Variants in ATXN7L1 observed in about 807,000 individuals in gnomAD.
ATXN7L1 encodes ataxin-7-like protein 1.
Under a neutral mutation model 70.8 loss-of-function variants are expected in ATXN7L1, and 15 were observed. The observed-to-expected ratio is 0.21, with a 90% confidence interval of 0.14 to 0.33. The LOEUF is 0.33. ATXN7L1 is among the 10% of genes least tolerant of loss of function. The pLI, the probability that ATXN7L1 is intolerant of heterozygous loss-of-function variation, is 1.00. For synonymous variants in ATXN7L1, 440 were observed against 445.1 expected (o/e 0.99, Z 0.14); for missense variants, 975 against 1,097.1 (o/e 0.89, Z 1.57).
At chr7:105,664,521 CATATGTATAATATAT>C (rs1314857593) in intron 4 of ATXN7L1, among the ~76,000 whole-genome samples, 3 of 138,834 alleles carry the variant, frequency 2.2e-5, no homozygotes, top group Admixed American at 7.2e-5. Context: ...TATATATATA[CATATGTATAATATAT>C]ATATGTATAA....
chr7:105,754,243 G>A (rs1403171937), intron 3 of ATXN7L1, among the ~76,000 whole-genome samples: 2 of 152,134 alleles, frequency 1.3e-5, no homozygotes, highest in East Asian at 1.9e-4. Flanking sequence ...ACTCAGGAGT[G>A]GAGGAGAGGG....
At chr7:105,682,785 G>T (rs1805701325) in intron 3 of ATXN7L1, among the ~76,000 whole-genome samples, 1 of 152,146 alleles carries the variant, frequency 6.6e-6, no homozygotes, top group South Asian at 2.1e-4. Context: ...GCTGTATGTG[G>T]TGGGGGAGGG....
chr7:105,759,120 TA>T (rs1464617414), intron 3 of ATXN7L1, among the ~76,000 whole-genome samples: 1 of 150,226 alleles, frequency 6.7e-6, no homozygotes, highest in Non-Finnish European at 1.5e-5. Flanking sequence ...CTAAATTATA[TA>T]AAAATATTAT....
At chr7:105,651,634 T>A (rs1799856318) in intron 4 of ATXN7L1, among the ~76,000 whole-genome samples, 1 of 152,178 alleles carries the variant, frequency 6.6e-6, no homozygotes, top group Non-Finnish European at 1.5e-5. Flanking sequence ...TGGGGCCAGA[T>A]TCAATGGCCC....
At chr7:105,808,482 C>T (rs1051264104) in intron 2 of ATXN7L1, among the ~76,000 whole-genome samples, 2 of 152,154 alleles carry the variant, frequency 1.3e-5, no homozygotes, top group Admixed American at 1.3e-4. Flanking sequence ...CAAAATTGCT[C>T]CCTCCTCCAG....
At chr7:105,821,494 A>G (rs1299833823) in intron 2 of ATXN7L1, among the ~76,000 whole-genome samples, 1 of 152,202 alleles carries the variant, frequency 6.6e-6, no homozygotes, top group African/African-American at 2.4e-5. Context: ...GGAGATCGCT[A>G]GTCTCCTTCC....
intron 3 of ATXN7L1, among the ~76,000 whole-genome samples, chr7:105,670,616 C>T (rs1462457951): frequency 6.6e-6 from 1 of 151,632 alleles, no homozygotes; most frequent in African/African-American, 2.4e-5. Context: ...TAACATGGCG[C>T]AGATTATTTA....
chr7:105,664,553 T>C (rs1426283132), intron 4 of ATXN7L1, among the ~76,000 whole-genome samples: 2 of 126,906 alleles, frequency 1.6e-5, no homozygotes, highest in Non-Finnish European at 3.4e-5. Context: ...ATAATATACA[T>C]ATATATATTA....
At chr7:105,787,366 G>A (rs920008821) in intron 3 of ATXN7L1, among the ~76,000 whole-genome samples, 3 of 152,118 alleles carry the variant, frequency 2.0e-5, no homozygotes, top group Admixed American at 6.6e-5. Context: ...CTCCTATAGC[G>A]CTTTCTAGGG....
intron 2 of ATXN7L1, among the ~76,000 whole-genome samples, chr7:105,844,694 A>G (rs1813714179): frequency 6.6e-6 from 1 of 152,224 alleles, no homozygotes; most frequent in Non-Finnish European, 1.5e-5. Context: ...TCTCACCATC[A>G]GTACTCAATA....
At chr7:105,819,693 C>T (rs1809801030) in intron 2 of ATXN7L1, 1 of 924,038 alleles carries the variant, frequency 1.1e-6, no homozygotes, top group Middle Eastern at 2.8e-4. Flanking sequence ...CAACCCTTCC[C>T]GAGGCCCCTA....
At chr7:105,758,074 G>A (rs1800029758) in intron 3 of ATXN7L1, among the ~76,000 whole-genome samples, 7 of 151,838 alleles carry the variant, frequency 4.6e-5, no homozygotes, top group Admixed American at 3.3e-4. Flanking sequence ...TCCCTCTTCC[G>A]AGTCCCTACT....
chr7:105,866,910 G>A (rs918094040), intron 2 of ATXN7L1, among the ~76,000 whole-genome samples: 3 of 152,134 alleles, frequency 2.0e-5, no homozygotes, highest in Non-Finnish European at 2.9e-5. Flanking sequence ...ACCAGGACAA[G>A]GTCTCACTGC....
intron 2 of ATXN7L1, among the ~76,000 whole-genome samples, chr7:105,794,466 C>T (rs1294145784): frequency 1.3e-5 from 2 of 152,200 alleles, no homozygotes; most frequent in African/African-American, 4.8e-5. Context: ...GACTTCTTCC[C>T]GCAGAGAGCT....
At chr7:105,664,467 A>C (rs1472269206) in intron 4 of ATXN7L1, among the ~76,000 whole-genome samples, 1 of 147,802 alleles carries the variant, frequency 6.8e-6, no homozygotes, top group East Asian at 2.0e-4. Context: ...GTATGTGTGT[A>C]TATGTATAAT....
At chr7:105,619,514 ATATATATATATATATATTTTTTT>A (rs1794528710) in intron 9 of ATXN7L1, among the ~76,000 whole-genome samples, 1 of 16,396 alleles carries the variant, frequency 6.1e-5, no homozygotes, top group Admixed American at 6.9e-4. Context: ...ATATATATAT[ATATATATATATATATATTTTTTT>A]TTTTTTTTTT....
intron 2 of ATXN7L1, among the ~76,000 whole-genome samples, chr7:105,854,600 A>AT (rs1363650705): frequency 6.6e-6 from 1 of 151,368 alleles, no homozygotes; most frequent in African/African-American, 2.4e-5. Flanking sequence ...CTTTCTTCTG[A>AT]TTTCTATGGA....
chr7:105,637,233 C>T (rs975027512), intron 7 of ATXN7L1, among the ~76,000 whole-genome samples: 2 of 152,206 alleles, frequency 1.3e-5, no homozygotes, highest in East Asian at 1.9e-4. Flanking sequence ...GTCAGGCTTG[C>T]ACCAACATGG....
chr7:105,794,183 G>A (rs998208682), intron 2 of ATXN7L1, among the ~76,000 whole-genome samples: 3 of 152,064 alleles, frequency 2.0e-5, no homozygotes, highest in Non-Finnish European at 4.4e-5. Context: ...TGAAAAACAC[G>A]CTTCAAGGCA....
Sources: gnomAD v4.1 joint callset for allele counts (sites outside exome capture counted in the v4.1 genomes callset) on GRCh38, gnomAD v4.1.1 for gene constraint, MANE v1.5 for transcripts, NCBI Gene and HGNC (gene_info 2026-07-23, HGNC 2026-07-21) for gene names.